BICC1: variants seen among roughly 807,000 people sequenced by gnomAD.
BICC1 encodes protein bicaudal C homolog 1.
BICC1 carries 43 observed loss-of-function variants against 111.0 expected under a neutral mutation model. The observed-to-expected ratio is 0.39, with a 90% CI of 0.30 to 0.50. The LOEUF (loss-of-function observed/expected upper bound fraction) is 0.50, where lower values mean the gene tolerates loss of function less well. Ranked by LOEUF, BICC1 falls within the 20% of genes least tolerant of loss-of-function variation. The pLI is 0.88. For missense variants in BICC1, 1,091 were observed against 1,203.2 expected (o/e 0.91, Z 1.38); for synonymous variants, 467 against 434.4 (o/e 1.07, Z -0.93).
chr10:58,676,310 G>A (rs1375748034), intron 2 of BICC1, among the ~76,000 whole-genome samples: 2 of 152,150 alleles, frequency 1.3e-5, no homozygotes, highest in African/African-American at 4.8e-5. Flanking sequence ...CTGAAGCCAG[G>A]ATGCCAAGTG....
intron 15 of BICC1, among the ~76,000 whole-genome samples, chr10:58,805,022 G>A (rs956578730): frequency 6.6e-6 from 1 of 152,156 alleles, no homozygotes; most frequent in Non-Finnish European, 1.5e-5. Context: ...GCCAGGCATG[G>A]TGGCTCACAC....
intron 2 of BICC1, among the ~76,000 whole-genome samples, chr10:58,689,155 T>C (rs1225821441): frequency 1.3e-5 from 2 of 152,224 alleles, no homozygotes; most frequent in African/African-American, 4.8e-5. Flanking sequence ...AGGTGTTTTC[T>C]GACTCTGTCT....
At chr10:58,553,714 G>A (rs1843363240) in intron 1 of BICC1, among the ~76,000 whole-genome samples, 2 of 151,904 alleles carry the variant, frequency 1.3e-5, no homozygotes, top group East Asian at 3.9e-4. Flanking sequence ...TTTTTTTCGG[G>A]GGGGCTAGAC....
At chr10:58,536,724 G>A (rs1471478584) in intron 1 of BICC1, among the ~76,000 whole-genome samples, 1 of 151,470 alleles carries the variant, frequency 6.6e-6, no homozygotes, top group Non-Finnish European at 1.5e-5. Flanking sequence ...AGAATGAAAT[G>A]AAATTGAAAA....
intron 3 of BICC1, among the ~76,000 whole-genome samples, chr10:58,783,364 T>C (rs1348884791): frequency 2.6e-5 from 4 of 152,028 alleles, no homozygotes; most frequent in Non-Finnish European, 5.9e-5. Flanking sequence ...AAAAATCGTT[T>C]CCTCCCTTCT....
At chr10:58,814,930 C>T (rs576648471) in intron 18 of BICC1, among the ~76,000 whole-genome samples, 1 of 152,094 alleles carries the variant, frequency 6.6e-6, no homozygotes, top group African/African-American at 2.4e-5. Context: ...TTGCTGAATT[C>T]GCATAAACAG....
intron 2 of BICC1, among the ~76,000 whole-genome samples, chr10:58,664,675 T>G (rs1166979893): frequency 6.6e-6 from 1 of 152,140 alleles, no homozygotes; most frequent in Non-Finnish European, 1.5e-5. Flanking sequence ...ATGCTATCTG[T>G]TGATGATAGG....
At chr10:58,793,684 G>A (rs1843251665) in intron 9 of BICC1, 69 bp downstream of exon 9, 4 of 1,521,520 alleles carry the variant, frequency 2.6e-6, no homozygotes, top group East Asian at 4.6e-5. Context: ...ATTTTGCATA[G>A]AAGTATTTAT....
intron 3 of BICC1, among the ~76,000 whole-genome samples, chr10:58,774,972 G>A (rs1178001522): frequency 1.3e-5 from 2 of 152,086 alleles, no homozygotes; most frequent in East Asian, 3.9e-4. Context: ...GAAAGGATAG[G>A]ACTAATTGGT....
Position 58,541,181 on chromosome 10 carries a change from A to T in BICC1, c.190+27848A>T, listed in dbSNP as rs117500150. 1.2e-3 allele frequency among the ~76,000 whole-genome samples: 184 copies of T among 152,178 alleles called. 4 individuals are homozygous for T. The East Asian group carries it at 0.032, about 26-fold the overall frequency. On this transcript the variant is annotated intron_variant, in intron 1 of 20. Coordinates refer to ENST00000373886, the MANE Select transcript of BICC1 (RefSeq NM_001080512.3). ...CCTTTTCTCACCACTTCTATTCAACATTGTATTAAAAATTTTACCCAGACC... is the reference window on the plus strand; with the variant it reads ...CCTTTTCTCACCACTTCTATTCAACTTTGTATTAAAAATTTTACCCAGACC...
intron 2 of BICC1, among the ~76,000 whole-genome samples, chr10:58,665,983 C>A (rs1312893461): frequency 2.0e-5 from 3 of 152,202 alleles, no homozygotes; most frequent in African/African-American, 7.2e-5. Context: ...CGTACAAGTT[C>A]CTTATGTTCT....
chr10:58,682,900 T>C (rs1158845155), intron 2 of BICC1, among the ~76,000 whole-genome samples: 1 of 152,266 alleles, frequency 6.6e-6, no homozygotes, highest in African/African-American at 2.4e-5. Context: ...AGATCCCATT[T>C]GTCAATTTTG....
intron 2 of BICC1, among the ~76,000 whole-genome samples, chr10:58,639,888 T>A (rs1450656614): frequency 6.6e-6 from 1 of 151,940 alleles, no homozygotes; most frequent in Admixed American, 6.6e-5. Flanking sequence ...AATTTTTGTA[T>A]TTTTTGTAGA....
At chr10:58,749,914 T>C (rs559465017) in intron 3 of BICC1, among the ~76,000 whole-genome samples, 19 of 152,300 alleles carry the variant, frequency 1.2e-4, no homozygotes, top group African/African-American at 4.3e-4. Flanking sequence ...CTTCAGTTTA[T>C]AAGTTTTGAA....
intron 1 of BICC1, among the ~76,000 whole-genome samples, chr10:58,534,026 C>T (rs1198788154): frequency 6.6e-6 from 1 of 151,628 alleles, no homozygotes; most frequent in Non-Finnish European, 1.5e-5. Flanking sequence ...ATGCTGTCTA[C>T]AAGACACTTT....
intron 1 of BICC1, among the ~76,000 whole-genome samples, chr10:58,585,456 G>A (rs1427153801): frequency 6.6e-6 from 1 of 152,148 alleles, no homozygotes; most frequent in Non-Finnish European, 1.5e-5. Context: ...TCTGAATATG[G>A]TGATACAAAT....
At chr10:58,707,723 G>A (rs1840430829) in intron 3 of BICC1, among the ~76,000 whole-genome samples, 2 of 151,728 alleles carry the variant, frequency 1.3e-5, no homozygotes, top group African/African-American at 4.8e-5. Flanking sequence ...TTGAGATGGA[G>A]TTTTGCTCTT....
At chr10:58,569,742 T>C (rs1843886923) in intron 1 of BICC1, among the ~76,000 whole-genome samples, 1 of 152,198 alleles carries the variant, frequency 6.6e-6, no homozygotes, top group Non-Finnish European at 1.5e-5. Flanking sequence ...TATGGCTGCA[T>C]AGTATTCCAC....
chr10:58,714,171 G>A (rs926726472), intron 3 of BICC1, among the ~76,000 whole-genome samples: 1 of 152,214 alleles, frequency 6.6e-6, no homozygotes, highest in Non-Finnish European at 1.5e-5. Flanking sequence ...TATCAGGATA[G>A]CATAGCACTG....
Sources: gnomAD v4.1 joint callset for allele counts (sites outside exome capture counted in the v4.1 genomes callset) on GRCh38, gnomAD v4.1.1 for gene constraint, MANE v1.5 for transcripts, NCBI Gene and HGNC (gene_info 2026-07-23, HGNC 2026-07-21) for gene names.